ASH2L: variants seen among roughly 807,000 people sequenced by gnomAD.
ASH2L encodes the protein set1/Ash2 histone methyltransferase complex subunit ASH2.
Under a neutral mutation model 81.1 loss-of-function variants are expected in ASH2L, and 30 were observed. The observed-to-expected ratio is 0.37, with a 90% CI of 0.28 to 0.50. The LOEUF is 0.50. Among genes scored for constraint, ASH2L ranks in the 20% least tolerant of loss-of-function variants. The pLI is 0.95. For synonymous variants in ASH2L, 273 were observed against 279.9 expected, an observed-to-expected ratio of 0.98 and a Z score of 0.24; for missense variants, 559 against 792.1, an observed-to-expected ratio of 0.71 and a Z score of 3.53.
Position 38,110,470 on chromosome 8 carries a change from A to G in ASH2L, c.490+3A>G, listed in dbSNP as rs1186642480. 1 of 1,609,172 alleles carries G rather than the reference A, an allele frequency of 6.2e-7. No individual in the cohort carries two copies. The highest frequency in any genetic ancestry group is 8.5e-7 in the Non-Finnish European group (1 of 1,175,688). ...CTATTTCCTCCGGAAGCAAGCAAGT[A>G]AGAACAAACTCTGGAGTATTTGAAG... On this transcript the variant is annotated splice_donor_region_variant and intron_variant, in intron 4 of 15. Transcript: ENST00000343823.
At chr8:38,133,688 C>T (rs1332807410) in intron 13 of ASH2L, 142 bp downstream of exon 13, 43 of 633,858 alleles carry the variant, frequency 6.8e-5, no homozygotes, top group Non-Finnish European at 2.7e-6. Context: ...GCAAGCTCAC[C>T]CTCTGCTTAT....
chr8:38,130,814 G>A (rs890882300), intron 12 of ASH2L, among the ~76,000 whole-genome samples: 1 of 151,874 alleles, frequency 6.6e-6, no homozygotes, highest in Non-Finnish European at 1.5e-5. Flanking sequence ...GGTCAGGCTG[G>A]TCTTGAACTC....
intron 3 of ASH2L, among the ~76,000 whole-genome samples, chr8:38,109,307 G>T (rs1810585005): frequency 6.6e-6 from 1 of 152,206 alleles, no homozygotes; most frequent in Non-Finnish European, 1.5e-5. Flanking sequence ...AGAAGTGAAG[G>T]TAAGGAAACT....
In ASH2L at chr8:38,122,501, TAAAC is replaced by T. The variant is rs997711427; in HGVS notation, c.1165+1356_1165+1359del. ...TTTTTTTTTTAAGTAATAAAGTAAA[TAAAC>T]AAATAGCAATTAATATCTAGGTGTT... On this transcript the variant is annotated intron_variant, in intron 10 of 15. Transcript: ENST00000343823. 2.6e-4 allele frequency: 40 copies of T among 151,970 alleles called. 2 individuals carry two copies. Among genetic ancestry groups the T allele is most frequent in the African/African-American group, 8.7e-4 (36 of 41,344 alleles). 9.4% of individuals were successfully genotyped at this position (151,970 alleles called of 1,614,324 possible).
chr8:38,116,191 C>G (rs542253495), intron 7 of ASH2L, among the ~76,000 whole-genome samples: 122 of 152,182 alleles, frequency 8.0e-4, no homozygotes, highest in African/African-American at 2.8e-3. Context: ...TGGTGAAACC[C>G]CATCTCTACT....
chr8:38,134,039 C>T (rs1203886131), intron 13 of ASH2L, among the ~76,000 whole-genome samples: 2 of 152,164 alleles, frequency 1.3e-5, no homozygotes, highest in South Asian at 2.1e-4. Flanking sequence ...CCTGTGCTCT[C>T]TGAAACATGT....
intron 8 of ASH2L, 40 bp downstream of exon 8, chr8:38,116,765 C>T (rs757989314): frequency 3.2e-5 from 50 of 1,538,622 alleles, no homozygotes; most frequent in Non-Finnish European, 1.2e-5. Context: ...TATTTGGAAG[C>T]TATTGAATCC....
chr8:38,108,644 C>T (rs533102988), intron 3 of ASH2L, among the ~76,000 whole-genome samples: 21 of 151,672 alleles, frequency 1.4e-4, no homozygotes, highest in Middle Eastern at 3.4e-3. Context: ...ATGGTGAAAC[C>T]CCGTCACCAG....
chr8:38,114,310 G>T lies in ASH2L; in HGVS notation c.681+23G>T, dbSNP rs772678618. 7.8e-6 allele frequency: 11 copies of T among 1,409,580 alleles called. No homozygotes were observed. In the South Asian group the frequency reaches 1.4e-4, roughly 18 times the overall value. The allele number at this position is 1,409,580 out of a possible 1,614,324, so 87.3% of individuals were successfully genotyped here. ...ATGGTAAGTAGATTAAAATTGATTAGACTTGACATTTAAAAAACCATTGTT... is the reference window on the plus strand; with the variant it reads ...ATGGTAAGTAGATTAAAATTGATTATACTTGACATTTAAAAAACCATTGTT... On this transcript the variant is annotated intron_variant, in intron 6 of 15. Transcript: ENST00000343823.
intron 9 of ASH2L, among the ~76,000 whole-genome samples, chr8:38,120,438 G>A (rs939520246): frequency 6.6e-6 from 1 of 151,936 alleles, no homozygotes; most frequent in Non-Finnish European, 1.5e-5. Flanking sequence ...TTTGTGAGAT[G>A]GAGTTTTGCT....
intron 9 of ASH2L, 115 bp from the exon 10 acceptor site, chr8:38,120,817 C>T (rs1366718787): frequency 2.5e-6 from 2 of 788,496 alleles, no homozygotes; most frequent in Non-Finnish European, 4.1e-6. Flanking sequence ...GAAGTATTTG[C>T]TGTGAAGTTG....
intron 12 of ASH2L, among the ~76,000 whole-genome samples, chr8:38,133,138 T>C (rs959266947): frequency 2.6e-5 from 4 of 152,186 alleles, no homozygotes; most frequent in Admixed American, 2.0e-4. Context: ...GTCATTTTTT[T>C]CAGTGAGATT....
intron 2 of ASH2L, among the ~76,000 whole-genome samples, chr8:38,106,820 C>A (rs1810454903): frequency 1.4e-5 from 2 of 142,106 alleles, no homozygotes; most frequent in Admixed American, 6.9e-5. Flanking sequence ...CTTGTTTTTA[C>A]ATTTTTAAGC....
chr8:38,127,752 A>G (rs939372913), intron 10 of ASH2L, among the ~76,000 whole-genome samples: 6 of 151,202 alleles, frequency 4.0e-5, no homozygotes, highest in Admixed American at 3.3e-4. Flanking sequence ...CAAAAAAAAA[A>G]AAAAAAAAAG....
At chr8:38,133,373 CTATT>C (rs1802135662) in intron 12 of ASH2L, 77 bp from the exon 13 acceptor site, 2 of 919,510 alleles carry the variant, frequency 2.2e-6, no homozygotes, top group African/African-American at 1.6e-5. Flanking sequence ...GGGGTTAACA[CTATT>C]TGTGTGCGGA....
chr8:38,105,688 G>T lies in ASH2L; in HGVS notation c.138G>T (p.Gly46=). The change falls in exon 1 of 16, where the codon GGG becomes GGT. Residue 46 remains glycine, a synonymous_variant. Coordinates refer to ENST00000343823, the MANE Select transcript of ASH2L (RefSeq NM_004674.5). ...GAGCAGCCGCTCCTCCTGGAGAGGG[G>T]ATCTCTGCTGCTCCGACAGTTGAGC... ...AAGAAAPPGE[G]ISAAPTVEPS... 2 of 1,581,264 alleles carry T rather than the reference G, an allele frequency of 1.3e-6. No homozygotes were observed. The highest frequency in any genetic ancestry group is 1.7e-6 in the Non-Finnish European group (2 of 1,165,274).
intron 10 of ASH2L, among the ~76,000 whole-genome samples, chr8:38,121,613 G>A (rs1041175832): frequency 4.6e-5 from 7 of 151,746 alleles, no homozygotes; most frequent in African/African-American, 1.7e-4. Context: ...GTCTATTATA[G>A]TCTTTAACAG....
rs1210071485 is a variant in ASH2L, at chr8:38,105,535, T to G, written c.-16T>G. 14 of 1,549,188 alleles carry G rather than the reference T, an allele frequency of 9.0e-6. No homozygotes were observed. The highest frequency in any genetic ancestry group is 1.2e-5 in the Non-Finnish European group (14 of 1,146,126). On this transcript the variant is annotated 5_prime_UTR_variant, in exon 1 of 16. Coordinates refer to ENST00000343823, the MANE Select transcript of ASH2L (RefSeq NM_004674.5). ...GAGAAGAGAGTATTCTCGCGAGAAG[T>G]CCAGGGGTGGCCGTGATGGCGGCGG...
chr8:38,134,315 C>G (rs1287844323), intron 13 of ASH2L, among the ~76,000 whole-genome samples: 1 of 141,982 alleles, frequency 7.0e-6, no homozygotes, highest in Admixed American at 7.1e-5. Context: ...CAAGAATGAT[C>G]AATGAAAAAA....
Sources: gnomAD v4.1 joint callset for allele counts (sites outside exome capture counted in the v4.1 genomes callset) on GRCh38, gnomAD v4.1.1 for gene constraint, MANE v1.5 for transcripts, NCBI Gene and HGNC (gene_info 2026-07-23, HGNC 2026-07-21) for gene names.